Variants in RBFOX1 observed in about 807,000 individuals in gnomAD.
RBFOX1 encodes the protein RNA binding fox-1 homolog 1.
In RBFOX1, 8 loss-of-function variants were observed where a neutral mutation model predicts 57.7. The ratio of observed to expected loss-of-function variants is 0.14; its 90% CI spans 0.08 to 0.25. The LOEUF is 0.25. Among genes scored for constraint, RBFOX1 ranks in the 10% least tolerant of loss-of-function variants. The probability of loss-of-function intolerance (pLI) is 1.00; values close to 1 mark genes in which losing one functional copy is unlikely to be tolerated. For missense variants in RBFOX1, 611 were observed against 548.5 expected (o/e 1.11, Z -1.14); for synonymous variants, 326 against 222.4 (o/e 1.47, Z -4.15).
At chr16:6,690,017 T>C (rs1362502031) in intron 3 of RBFOX1, among the ~76,000 whole-genome samples, 1 of 152,220 alleles carries the variant, frequency 6.6e-6, no homozygotes, top group African/African-American at 2.4e-5. Context: ...ATAAACAAGT[T>C]AATCTTCTTT....
chr16:6,175,592 C>A (rs550601330), intron 1 of RBFOX1, among the ~76,000 whole-genome samples: 3 of 152,226 alleles, frequency 2.0e-5, no homozygotes, highest in Admixed American at 1.3e-4. Flanking sequence ...GCTGTAGGAA[C>A]TAGTGTTTCC....
chr16:5,647,056 T>C (rs1021707169), intron 3 of RBFOX1, among the ~76,000 whole-genome samples: 2 of 152,210 alleles, frequency 1.3e-5, no homozygotes, highest in African/African-American at 4.8e-5. Context: ...TATAGGACCC[T>C]GTTCTTTCCT....
intron 3 of RBFOX1, among the ~76,000 whole-genome samples, chr16:5,640,683 C>T (rs908097187): frequency 2.0e-5 from 3 of 151,564 alleles, no homozygotes; most frequent in Non-Finnish European, 4.4e-5. Flanking sequence ...TACACACAAG[C>T]ACACCATGGA....
chr16:7,565,925 T>C (rs1321635718), intron 5 of RBFOX1, among the ~76,000 whole-genome samples: 1 of 152,056 alleles, frequency 6.6e-6, no homozygotes, highest in East Asian at 1.9e-4. Context: ...ACCGTGATGG[T>C]GAATTTGGGG....
rs555141623 is a variant in RBFOX1 at position 6,953,598 on chromosome 16, C to T, written c.-15-98459C>T. Among the ~76,000 whole-genome samples, 7 of 152,156 alleles carry T rather than the reference C, an allele frequency of 4.6e-5. 1 individual carries two copies. The highest frequency in any genetic ancestry group is 1.4e-4 in the African/African-American group (6 of 41,526). On this transcript the variant is annotated intron_variant, in intron 3 of 15. Coordinates refer to ENST00000550418, the MANE Select transcript of RBFOX1 (RefSeq NM_018723.4). ...GATGGGGTTTTGCCATGTTGGCCAGCGTGGTCTGAAACTGCTGACTTGAAG... is the reference window on the plus strand; with the variant it reads ...GATGGGGTTTTGCCATGTTGGCCAGTGTGGTCTGAAACTGCTGACTTGAAG...
intron 2 of RBFOX1, among the ~76,000 whole-genome samples, chr16:6,607,519 C>T (rs1299542093): frequency 6.9e-6 from 1 of 145,822 alleles, no homozygotes; most frequent in African/African-American, 2.5e-5. Context: ...CTTCTCTCTC[C>T]TATCTATCTC....
At chr16:7,383,275 A>C (rs1048442815) in intron 4 of RBFOX1, among the ~76,000 whole-genome samples, 1 of 152,050 alleles carries the variant, frequency 6.6e-6, no homozygotes, top group African/African-American at 2.4e-5. Context: ...ATTAAAAAAA[A>C]AAAAAACGTA....
intron 4 of RBFOX1, among the ~76,000 whole-genome samples, chr16:7,300,384 C>T (rs1270903936): frequency 6.6e-6 from 1 of 152,172 alleles, no homozygotes; most frequent in South Asian, 2.1e-4. Flanking sequence ...GCTTTTGATA[C>T]AGATAAATAA....
chr16:7,048,411 C>T (rs1052344762), intron 3 of RBFOX1, among the ~76,000 whole-genome samples: 10 of 151,958 alleles, frequency 6.6e-5, no homozygotes, highest in African/African-American at 1.7e-4. Context: ...AGTCGCGTGT[C>T]GCCACACCCA....
chr16:7,651,852 C>A (rs150228320), intron 11 of RBFOX1, among the ~76,000 whole-genome samples: 1 of 152,338 alleles, frequency 6.6e-6, no homozygotes, highest in Admixed American at 6.5e-5. Context: ...GAAAAGCATT[C>A]TCTGTGGACA....
intron 3 of RBFOX1, among the ~76,000 whole-genome samples, chr16:6,733,009 A>C (rs2069070251): frequency 6.6e-6 from 1 of 152,196 alleles, no homozygotes; most frequent in Admixed American, 6.5e-5. Context: ...GCATTTTTTA[A>C]AGGTTAGGTA....
At chr16:7,557,058 G>A (rs1377122359) in intron 5 of RBFOX1, among the ~76,000 whole-genome samples, 2 of 152,114 alleles carry the variant, frequency 1.3e-5, no homozygotes, top group Non-Finnish European at 2.9e-5. Flanking sequence ...GCTTGATACA[G>A]TCTTTGTAAT....
intron 3 of RBFOX1, among the ~76,000 whole-genome samples, chr16:7,013,016 G>C (rs1286682998): frequency 6.6e-6 from 1 of 152,126 alleles, no homozygotes; most frequent in Non-Finnish European, 1.5e-5. Flanking sequence ...TGGAGAGAGA[G>C]AGAAAGCAAG....
chr16:6,638,899 C>G (rs1254793050), intron 2 of RBFOX1, among the ~76,000 whole-genome samples: 2 of 152,084 alleles, frequency 1.3e-5, no homozygotes, highest in Non-Finnish European at 2.9e-5. Context: ...GTGGAAAGAA[C>G]CAGTATTCAT....
intron 3 of RBFOX1, among the ~76,000 whole-genome samples, chr16:5,787,659 A>G (rs781347624): frequency 3.3e-5 from 5 of 152,218 alleles, no homozygotes; most frequent in African/African-American, 9.6e-5. Context: ...AAAGAGCTGG[A>G]TCTCGCAGAG....
chr16:5,362,641 C>T (rs899073870), intron 1 of RBFOX1, among the ~76,000 whole-genome samples: 4 of 152,136 alleles, frequency 2.6e-5, no homozygotes, highest in African/African-American at 9.7e-5. Flanking sequence ...GGATTGCAGG[C>T]GTGAGCCACC....
At chr16:5,975,820 T>G (rs1024117386) in intron 4 of RBFOX1, among the ~76,000 whole-genome samples, 1 of 152,212 alleles carries the variant, frequency 6.6e-6, no homozygotes, top group Non-Finnish European at 1.5e-5. Context: ...GCGCTCGACA[T>G]ATAGTAATAA....
At chr16:7,375,791 T>C (rs1427932254) in intron 4 of RBFOX1, among the ~76,000 whole-genome samples, 1 of 152,224 alleles carries the variant, frequency 6.6e-6, no homozygotes, top group South Asian at 2.1e-4. Context: ...CCCCATGCTT[T>C]AATGAATAAT....
intron 1 of RBFOX1, among the ~76,000 whole-genome samples, chr16:6,240,003 T>G (rs1460185176): frequency 6.6e-6 from 1 of 151,910 alleles, no homozygotes; most frequent in Non-Finnish European, 1.5e-5. Context: ...GTCATCGGAG[T>G]GGATCTCTCA....
Sources: allele counts gnomAD v4.1 joint callset (sites outside exome capture counted in the v4.1 genomes callset), GRCh38; gene constraint gnomAD v4.1.1; transcripts MANE v1.5; gene names NCBI Gene and HGNC (gene_info 2026-07-23, HGNC 2026-07-21).